The following THAP9 variants were observed in gnomAD, a reference collection of about 807,000 sequenced individuals.
The protein encoded by THAP9 is THAP domain containing 9, also known as DNA transposase THAP9.
Under a neutral mutation model 35.7 loss-of-function variants are expected in THAP9, and 20 were observed. The observed-to-expected ratio is 0.56, with a 90% confidence interval of 0.39 to 0.81. The LOEUF (loss-of-function observed/expected upper bound fraction) is 0.81. THAP9 is among the 40% of genes least tolerant of loss of function. The pLI is 0.00. For missense variants in THAP9, 870 were observed against 1,047.4 expected, an observed-to-expected ratio of 0.83 and a Z score of 2.34; for synonymous variants, 335 against 373.7, an observed-to-expected ratio of 0.90 and a Z score of 1.19.
Position 82,902,105 on chromosome 4 carries a change from C to CTTTTTT in THAP9, c.80+1238_80+1243dup, listed in dbSNP as rs768693634. ...TACAATATTTCCCAACATTTTCCTT[C>CTTTTTT]TTTTTTTTTTTTTTTTTTTTGGAGA... On this transcript the variant is annotated intron_variant, in intron 1 of 4. Transcript: ENST00000302236. 3.1e-3 allele frequency among the ~76,000 whole-genome samples: 320 copies of CTTTTTT among 104,342 alleles called. 3 individuals are homozygous for CTTTTTT. Among genetic ancestry groups the CTTTTTT allele is most frequent in the Middle Eastern group, 0.013 (2 of 152 alleles). 68.5% of individuals were successfully genotyped at this position (104,342 alleles called of 152,430 possible).
At chr4:82,900,978 G>T in intron 1 of THAP9, 96 bp downstream of exon 1, 1 of 1,425,616 alleles carries the variant, frequency 7.0e-7, no homozygotes, top group Non-Finnish European at 9.7e-7. Context: ...ACTGTGGGTC[G>T]CGCCGCGTGT....
In THAP9 at chr4:82,902,676, A is replaced by G. The variant is rs566582870; in HGVS notation, c.80+1794A>G. 3.9e-5 allele frequency among the ~76,000 whole-genome samples: 6 copies of G among 152,372 alleles called. No homozygotes were observed. The East Asian group carries it at 1.2e-3, about 29-fold the overall frequency. On this transcript the variant is annotated intron_variant, in intron 1 of 4. Coordinates refer to ENST00000302236, the MANE Select transcript of THAP9 (RefSeq NM_024672.6). ...CATGAGTTAGAAAAGAACTCAGTGA[A>G]AAAAGATAGATTTGCCCCAACTTTA...
Position 82,905,022 on chromosome 4 carries a change from C to T in THAP9, c.276+91C>T. On this transcript the variant is annotated intron_variant, in intron 2 of 4. Transcript: ENST00000302236. ...CCCCATTATAGCTAGAATTTGCAGA[C>T]AAAAAAACCCAAGTCTTAAATCCAG... is the stretch of plus-strand genomic sequence containing the variant. The T allele has an allele frequency of 3.4e-6, 4 of 1,186,846 alleles. No homozygotes were observed. In the South Asian group the frequency reaches 6.4e-5, roughly 19 times the overall value. 73.5% of individuals were successfully genotyped at this position (1,186,846 alleles called of 1,614,324 possible). A position where few individuals can be genotyped will look rare whatever the true frequency, so the allele number is the denominator to read the frequency against.
intron 4 of THAP9, among the ~76,000 whole-genome samples, chr4:82,914,655 CTTT>C (rs1016714285): frequency 1.3e-5 from 2 of 152,086 alleles, no homozygotes; most frequent in African/African-American, 4.8e-5. Context: ...CCTTTGCCCA[CTTT>C]TTAACAATTT....
Position 82,917,397 on chromosome 4 carries a change from G to C in THAP9, c.1185G>C (p.Met395Ile). The C allele has an allele frequency of 1.2e-6, 2 of 1,613,882 alleles. No individual in the cohort carries two copies. The highest frequency in any genetic ancestry group is 1.7e-6 in the Non-Finnish European group (2 of 1,179,920). Reference sequence around the variant, plus strand: ...GGATACATATTGATGGAGACGACATGAAATGTACATTTCAGCATCCTTCAT... The same window carrying C: ...GGATACATATTGATGGAGACGACATCAAATGTACATTTCAGCATCCTTCAT... ...ALGIHIDGDD[M>I]KCTFQHPSSS... Residue 395 changes from methionine (M) to isoleucine (I), a missense_variant, in exon 5 of 5, where the codon ATG becomes ATC. By Grantham distance (10) the Met-to-Ile change is conservative. This residue lies in a region of THAP9 where 440 missense variants were observed against 501.2 expected (regional missense o/e 0.88). Coordinates refer to ENST00000302236, the MANE Select transcript of THAP9 (RefSeq NM_024672.6).
chr4:82,915,404 G>A (rs557835434), intron 4 of THAP9, among the ~76,000 whole-genome samples: 90 of 152,000 alleles, frequency 5.9e-4, no homozygotes, highest in African/African-American at 1.6e-3. Context: ...TTACAGGTGC[G>A]CGCCACCATG....
Position 82,917,346 on chromosome 4 carries a change from T to C in THAP9, c.1134T>C (p.His378=), listed in dbSNP as rs1260708803. 1 of 1,613,406 alleles carries C rather than the reference T, an allele frequency of 6.2e-7. No individual in the cohort carries two copies. The highest frequency in any genetic ancestry group is 1.7e-5 in the Admixed American group (1 of 60,002). ...CTGTTACATCTGATGCCACAGCACA[T>C]AGTGTTCAGATGGCAAAAGCATTGG... ...VLAVTSDATA[H]SVQMAKALGI... is the part of the protein sequence containing the mutation. The change falls in exon 5 of 5, where the codon CAT becomes CAC. Residue 378 remains histidine (H), a synonymous_variant. Transcript: ENST00000302236.
chr4:82,908,546 A>G (rs1199612754), intron 4 of THAP9, among the ~76,000 whole-genome samples: 1 of 152,182 alleles, frequency 6.6e-6, no homozygotes, highest in African/African-American at 2.4e-5. Context: ...TAAATTTAAT[A>G]CTGAATTCTT....
At position 82,919,173 on chromosome 4, in the gene THAP9, T is replaced by C; in HGVS notation, c.*249T>C. 4 of 327,496 alleles carry C rather than the reference T, an allele frequency of 1.2e-5. No individual in the cohort carries two copies. Among genetic ancestry groups the C allele is most frequent in the Middle Eastern group, 9.5e-4 (1 of 1,058 alleles). 20.3% of individuals were successfully genotyped at this position (327,496 alleles called of 1,614,324 possible). A position where few individuals can be genotyped will look rare whatever the true frequency, so the allele number is the denominator to read the frequency against. On this transcript the variant is annotated 3_prime_UTR_variant, in exon 5 of 5. Transcript: ENST00000302236. ...GGAGCAAACTAGCCAACAGGTACTG[T>C]CTTTGAATTTACTACTGTAAGACTA... is the stretch of plus-strand genomic sequence containing the variant.
At position 82,918,344 on chromosome 4, in the gene THAP9, A is replaced by G; in HGVS notation, c.2132A>G (p.His711Arg). Residue 711 changes from histidine to arginine, a missense_variant, in exon 5 of 5, where the codon CAT becomes CGT. His to Arg is a conservative substitution (Grantham distance 29). Coordinates refer to ENST00000302236, the MANE Select transcript of THAP9 (RefSeq NM_024672.6). Reference sequence around the variant, plus strand: ...GAGGCATTACTAGACCTGTCAGATCATAGGCGAAATCTCATCTGTTATGCT... The same window carrying G: ...GAGGCATTACTAGACCTGTCAGATCGTAGGCGAAATCTCATCTGTTATGCT... The part of the protein sequence containing the change: ...LSEALLDLSD[H>R]RRNLICYAGY... 1.2e-6 allele frequency: 2 copies of G among 1,614,208 alleles called. No individual in the cohort carries two copies. The highest frequency in any genetic ancestry group is 1.7e-6 in the Non-Finnish European group (2 of 1,180,008).
At position 82,902,175 on chromosome 4, in the gene THAP9, C is replaced by CACAGCTCA. The variant is rs375233854; in HGVS notation, c.80+1294_80+1301dup. ...CCAGGCTGGAGAGCAGTGGCACTAT[C>CACAGCTCA]ACAGCTCAGCGCAGCCTCTATCTCC... On this transcript the variant is annotated intron_variant, in intron 1 of 4. Coordinates refer to ENST00000302236, the MANE Select transcript of THAP9 (RefSeq NM_024672.6). Among the ~76,000 whole-genome samples the CACAGCTCA allele has an allele frequency of 1.2e-3, 145 of 124,416 alleles. 1 individual carries two copies. Among genetic ancestry groups the CACAGCTCA allele is most frequent in the African/African-American group, 4.3e-3 (138 of 32,102 alleles). 81.6% of individuals were successfully genotyped at this position (124,416 alleles called of 152,430 possible).
intron 4 of THAP9, among the ~76,000 whole-genome samples, chr4:82,909,065 C>A (rs1456902605): frequency 6.6e-6 from 1 of 151,940 alleles, no homozygotes; most frequent in Non-Finnish European, 1.5e-5. Flanking sequence ...CACCACCATA[C>A]CCGGCTAATT....
intron 4 of THAP9, 121 bp downstream of exon 4, chr4:82,908,056 T>G: frequency 9.3e-7 from 1 of 1,080,220 alleles, no homozygotes; most frequent in Non-Finnish European, 1.3e-6. Context: ...TTTTACTTAT[T>G]AAGGCTATTA....
At chr4:82,911,142 A>G (rs1720850889) in intron 4 of THAP9, among the ~76,000 whole-genome samples, 1 of 152,158 alleles carries the variant, frequency 6.6e-6, no homozygotes, top group African/African-American at 2.4e-5. Flanking sequence ...GAGAAATGAT[A>G]ATTGCAGGAG....
Position 82,919,687 on chromosome 4 carries a change from C to G in THAP9, c.*763C>G, listed in dbSNP as rs1721172689. The G allele has an allele frequency of 6.6e-6, 1 of 152,132 alleles. No individual in the cohort carries two copies. The highest frequency in any genetic ancestry group is 2.1e-4 in the South Asian group (1 of 4,830). 9.4% of individuals were successfully genotyped at this position (152,132 alleles called of 1,614,324 possible). A position where few individuals can be genotyped will look rare whatever the true frequency, so the allele number is the denominator to read the frequency against. On this transcript the variant is annotated 3_prime_UTR_variant, in exon 5 of 5. Coordinates refer to ENST00000302236, the MANE Select transcript of THAP9 (RefSeq NM_024672.6). ...ATGCTCATCGGAAAACAGGGAGAAA[C>G]CTAATCTGAAGATGGAAGCATACTA...
chr4:82,902,817 G>A (rs770561443), intron 1 of THAP9, among the ~76,000 whole-genome samples: 1 of 152,182 alleles, frequency 6.6e-6, no homozygotes, highest in Non-Finnish European at 1.5e-5. Context: ...ATCGAACTTT[G>A]GATAGTACTT....
At chr4:82,903,762 A>T (rs909947655) in intron 1 of THAP9, among the ~76,000 whole-genome samples, 1 of 152,184 alleles carries the variant, frequency 6.6e-6, no homozygotes, top group Non-Finnish European at 1.5e-5. Flanking sequence ...ACAGTATCTC[A>T]TAAGATTGCA....
intron 4 of THAP9, among the ~76,000 whole-genome samples, chr4:82,910,438 T>TAA (rs11306469): frequency 0.32 from 46,721 of 147,942 alleles, 8,310 homozygotes; most frequent in East Asian, 0.52. Context: ...CCAAGTTAAA[T>TAA]AAAAAAAAAA....
chr4:82,918,692 G>C lies in THAP9; in HGVS notation c.2480G>C (p.Cys827Ser). 6.2e-7 allele frequency: 1 copy of C among 1,613,810 alleles called. No individual in the cohort carries two copies. The highest frequency in any genetic ancestry group is 8.5e-7 in the Non-Finnish European group (1 of 1,179,762). The change falls in exon 5 of 5, where the codon TGT (cysteine) becomes TCT (serine). Residue 827 changes from cysteine (C) to serine (S), a missense_variant. This residue lies in a region of THAP9 where 414 missense variants were observed against 500.8 expected (regional missense o/e 0.83). Coordinates refer to ENST00000302236, the MANE Select transcript of THAP9 (RefSeq NM_024672.6). ...AAGCATCTCTTTGATGGAGAAGTGT[G>C]TGCCATCAATCACTTTGTCAAGTTG... is the stretch of plus-strand genomic sequence containing the variant. ...VNKHLFDGEV[C>S]AINHFVKLLK...
Sources: allele counts gnomAD v4.1 joint callset (sites outside exome capture counted in the v4.1 genomes callset), GRCh38; gene constraint gnomAD v4.1.1; regional missense constraint gnomAD v4.1.1; transcripts MANE v1.5; gene names NCBI Gene and HGNC (gene_info 2026-07-23, HGNC 2026-07-21).